Variants in VPS13B observed in about 807,000 individuals in gnomAD.
VPS13B encodes vacuolar protein sorting 13 homolog B.
In VPS13B, 285 loss-of-function variants were observed where a neutral mutation model predicts 426.4. The observed-to-expected ratio is 0.67, with a 90% CI of 0.61 to 0.74. The LOEUF is 0.74. Among genes scored for constraint, VPS13B ranks in the 30% least tolerant of loss-of-function variants. VPS13B has a pLI of 0.00. For synonymous variants in VPS13B, 1,676 were observed against 1,676.4 expected (o/e 1.00, Z 0.01); for missense variants, 4,537 against 4,782.6 (o/e 0.95, Z 1.51).
chr8:99,189,510 T>C (rs977807841), intron 16 of VPS13B, among the ~76,000 whole-genome samples: 1 of 143,890 alleles, frequency 6.9e-6, no homozygotes, highest in African/African-American at 2.6e-5. Context: ...GTGCACGTTG[T>C]AGTTTAGGTG....
intron 17 of VPS13B, among the ~76,000 whole-genome samples, chr8:99,204,450 CAA>C (rs927344107): frequency 1.3e-5 from 2 of 152,160 alleles, no homozygotes; most frequent in Non-Finnish European, 2.9e-5. Flanking sequence ...TAGGCACAGG[CAA>C]AGACTTTGTG....
At chr8:99,726,664 A>G (rs1442222424) in intron 39 of VPS13B, among the ~76,000 whole-genome samples, 3 of 152,204 alleles carry the variant, frequency 2.0e-5, no homozygotes, top group Admixed American at 6.5e-5. Context: ...AACAGGAACA[A>G]ATTCTTAAGA....
chr8:99,707,210 A>G (rs141299075), intron 36 of VPS13B, among the ~76,000 whole-genome samples: 115 of 152,172 alleles, frequency 7.6e-4, no homozygotes, highest in African/African-American at 2.6e-3. Flanking sequence ...GGCAGACAGA[A>G]TCTGCACCCC....
Position 99,135,822 on chromosome 8 carries a change from A to C in VPS13B, c.1563+89A>C, listed in dbSNP as rs1284076643. 5 of 1,540,096 alleles carry C rather than the reference A, an allele frequency of 3.2e-6. No individual in the cohort carries two copies. The East Asian group carries it at 9.1e-5, about 28-fold the overall frequency. On this transcript the variant is annotated intron_variant, in intron 11 of 61. Transcript: ENST00000357162. ...CTTGTGATTTCTAGCTTTCTTTTCA[A>C]ATAATGCCTTCTGAATGCTAATTGT...
intron 4 of VPS13B, among the ~76,000 whole-genome samples, chr8:99,097,870 C>T (rs1328429923): frequency 6.6e-6 from 1 of 152,028 alleles, no homozygotes; most frequent in African/African-American, 2.4e-5. Flanking sequence ...AAAAAATCTC[C>T]AGATTAGTTC....
At position 99,819,507 on chromosome 8, in the gene VPS13B, A is replaced by G; in HGVS notation, c.8717A>G (p.Gln2906Arg). The change falls in exon 48 of 62, where the codon CAG becomes CGG. Residue 2906 changes from glutamine to arginine, a missense_variant. By Grantham distance (43) the Gln-to-Arg change is conservative. Transcript: ENST00000357162. ...TKVHPGGTVN[Q>R]ILDEFYGPEK... is the part of the protein sequence containing the mutation. ...GTACACCCTGGAGGCACAGTTAATC[A>G]GATCCTTGACGAATTCTATGGGCCA... The G allele has an allele frequency of 6.2e-7, 1 of 1,613,934 alleles. No individual in the cohort carries two copies. Among genetic ancestry groups the G allele is most frequent in the Non-Finnish European group, 8.5e-7 (1 of 1,179,898 alleles).
Position 99,049,892 on chromosome 8 carries a change from G to A in VPS13B, c.291+11326G>A, listed in dbSNP as rs183732993. Among the ~76,000 whole-genome samples, 730 of 151,432 alleles carry A rather than the reference G, an allele frequency of 4.8e-3. 3 individuals carry two copies. Among genetic ancestry groups the A allele is most frequent in the African/African-American group, 0.016 (675 of 41,310 alleles). On this transcript the variant is annotated intron_variant, in intron 3 of 61. Coordinates refer to ENST00000357162, the MANE Select transcript of VPS13B (RefSeq NM_152564.5). ...TTATTCTTTTTCCTTTGTCTTTGTT[G>A]GATTGGGTTAATTTGAACACCTTGT...
At chr8:99,631,852 T>C (rs1828861695) in intron 33 of VPS13B, among the ~76,000 whole-genome samples, 1 of 151,930 alleles carries the variant, frequency 6.6e-6, no homozygotes, top group Admixed American at 6.6e-5. Flanking sequence ...CAATAGCAAT[T>C]TGATGAATGA....
chr8:99,717,036 G>A (rs942596872), intron 36 of VPS13B, 135 bp from the exon 37 acceptor site: 23 of 797,358 alleles, frequency 2.9e-5, no homozygotes, highest in Admixed American at 8.7e-5. Flanking sequence ...GGCATGAAAC[G>A]GTGGTGGACT....
At chr8:99,809,593 ATAAT>A in intron 44 of VPS13B, 63 bp downstream of exon 44, 9 of 1,597,886 alleles carry the variant, frequency 5.6e-6, no homozygotes, top group South Asian at 1.1e-5. Flanking sequence ...GGAGATGAAA[ATAAT>A]TAATAATTTT....
intron 42 of VPS13B, among the ~76,000 whole-genome samples, chr8:99,781,834 A>G (rs773689144): frequency 6.6e-6 from 1 of 152,156 alleles, no homozygotes; most frequent in Non-Finnish European, 1.5e-5. Flanking sequence ...CAGGATGTGT[A>G]ACTAAGTGGG....
intron 54 of VPS13B, among the ~76,000 whole-genome samples, chr8:99,842,388 C>T (rs1269469975): frequency 6.6e-6 from 1 of 151,880 alleles, no homozygotes; most frequent in East Asian, 1.9e-4. Context: ...AGGAGCATCA[C>T]GTGGGGCCAG....
At chr8:99,773,855 G>A (rs1042629421) in intron 40 of VPS13B, among the ~76,000 whole-genome samples, 2 of 152,126 alleles carry the variant, frequency 1.3e-5, no homozygotes, top group Non-Finnish European at 2.9e-5. Flanking sequence ...TATAAGTTGT[G>A]ATATTTTTTA....
At chr8:99,161,088 C>A (rs926973381) in intron 15 of VPS13B, among the ~76,000 whole-genome samples, 3 of 152,044 alleles carry the variant, frequency 2.0e-5, no homozygotes, top group African/African-American at 7.3e-5. Context: ...TTTTCAAAAC[C>A]TAGATATAAA....
chr8:99,015,258 C>A (rs1216224098), intron 2 of VPS13B, among the ~76,000 whole-genome samples: 2 of 148,070 alleles, frequency 1.4e-5, no homozygotes, highest in African/African-American at 5.0e-5. Flanking sequence ...GCTCTGTTGC[C>A]CAGGCTGGAG....
chr8:99,690,454 G>A (rs1588626099), intron 35 of VPS13B, among the ~76,000 whole-genome samples: 1 of 152,244 alleles, frequency 6.6e-6, no homozygotes, highest in East Asian at 1.9e-4. Context: ...ATTGGACTTT[G>A]CAAAAATTAA....
At chr8:99,420,198 T>C (rs1032611651) in intron 21 of VPS13B, among the ~76,000 whole-genome samples, 2 of 152,148 alleles carry the variant, frequency 1.3e-5, no homozygotes, top group Admixed American at 1.3e-4. Context: ...AACAAATGTA[T>C]CTTGACTTTT....
chr8:99,711,797 A>G (rs913954116), intron 36 of VPS13B, among the ~76,000 whole-genome samples: 2 of 152,190 alleles, frequency 1.3e-5, no homozygotes, highest in African/African-American at 2.4e-5. Context: ...ATGAAAGAAA[A>G]TTGCTAATTA....
chr8:99,554,949 T>C (rs1371507516), intron 30 of VPS13B, among the ~76,000 whole-genome samples: 1 of 152,120 alleles, frequency 6.6e-6, no homozygotes, highest in Non-Finnish European at 1.5e-5. Flanking sequence ...CTGTAATTTT[T>C]CTAAGTTAGA....
Sources: gnomAD v4.1 joint callset for allele counts (sites outside exome capture counted in the v4.1 genomes callset) on GRCh38, gnomAD v4.1.1 for gene constraint, MANE v1.5 for transcripts, NCBI Gene and HGNC (gene_info 2026-07-23, HGNC 2026-07-21) for gene names.